The following STXBP5 variants were observed in gnomAD, a reference collection of about 807,000 sequenced individuals.
The protein encoded by STXBP5 is syntaxin-binding protein 5.
A neutral mutation model predicts 152.4 loss-of-function variants in STXBP5; 50 were observed. The observed-to-expected ratio is 0.33, with a 90% CI of 0.26 to 0.42. STXBP5 has a LOEUF of 0.42. Among genes scored for constraint, STXBP5 ranks in the 10% least tolerant of loss-of-function variants. The pLI is 1.00. For synonymous variants in STXBP5, 492 were observed against 494.7 expected, an observed-to-expected ratio of 0.99 and a Z score of 0.07; for missense variants, 1,167 against 1,388.6, an observed-to-expected ratio of 0.84 and a Z score of 2.54.
At chr6:147,359,049 C>T in intron 22 of STXBP5, 35 bp from the exon 23 acceptor site, 1 of 1,597,198 alleles carries the variant, frequency 6.3e-7, no homozygotes, top group Non-Finnish European at 8.5e-7. Flanking sequence ...TCTTTTATAA[C>T]TTGAGCAATC....
chr6:147,316,163 G>A lies in STXBP5; in HGVS notation c.1624-66G>A, dbSNP rs900808684. On this transcript the variant is annotated intron_variant, in intron 15 of 27. Coordinates refer to ENST00000321680, the MANE Select transcript of STXBP5 (RefSeq NM_001127715.4). Reference sequence around the variant, plus strand: ...TTATGTAAAGTGTGTGTGTATGTGTGTATAAATTGTGATAAAATGAGCAAT... The same window carrying A: ...TTATGTAAAGTGTGTGTGTATGTGTATATAAATTGTGATAAAATGAGCAAT... The A allele has an allele frequency of 6.8e-6, 10 of 1,468,890 alleles. No individual in the cohort carries two copies. The African/African-American group carries it at 1.4e-4, about 20-fold the overall frequency. 91.0% of individuals were successfully genotyped at this position (1,468,890 alleles called of 1,614,324 possible). A position where few individuals can be genotyped will look rare whatever the true frequency, so the allele number is the denominator to read the frequency against.
At chr6:147,317,708 C>G (rs1782711428) in intron 16 of STXBP5, among the ~76,000 whole-genome samples, 1 of 152,134 alleles carries the variant, frequency 6.6e-6, no homozygotes, top group Non-Finnish European at 1.5e-5. Flanking sequence ...CTCTCTCATA[C>G]CTGTACTAGA....
chr6:147,312,959 A>G (rs1373417283), intron 11 of STXBP5, among the ~76,000 whole-genome samples: 1 of 152,176 alleles, frequency 6.6e-6, no homozygotes, highest in Non-Finnish European at 1.5e-5. Flanking sequence ...TTTATTTAGC[A>G]AAAGTATCAG....
At position 147,316,344 on chromosome 6, in the gene STXBP5, A is replaced by G. The variant is rs1196757011; in HGVS notation, c.1739A>G (p.Gln580Arg). 2.8e-5 allele frequency: 45 copies of G among 1,609,546 alleles called. No homozygotes were observed. The highest frequency in any genetic ancestry group is 3.6e-5 in the Non-Finnish European group (43 of 1,178,468). Reference sequence around the variant, plus strand: ...TCCAACCCTCAGCCCATCCCTCCTCAGTCTCATCCATCTACCAGTAGCAGT... The same window carrying G: ...TCCAACCCTCAGCCCATCCCTCCTCGGTCTCATCCATCTACCAGTAGCAGT... ...GGSNPQPIPP[Q>R]SHPSTSSSSS... Residue 580 changes from glutamine (Q) to arginine (R), a missense_variant, in exon 16 of 28, where the codon CAG (glutamine) becomes CGG (arginine). By Grantham distance (43) the Gln-to-Arg change is conservative (BLOSUM62 1). Transcript: ENST00000321680.
At chr6:147,361,092 A>T (rs1044715562) in intron 23 of STXBP5, among the ~76,000 whole-genome samples, 6 of 152,118 alleles carry the variant, frequency 3.9e-5, no homozygotes, top group Non-Finnish European at 7.4e-5. Flanking sequence ...TCTTATTAGT[A>T]AATATGTGTA....
intron 2 of STXBP5, among the ~76,000 whole-genome samples, chr6:147,215,735 A>G (rs2115056883): frequency 6.6e-6 from 1 of 152,244 alleles, no homozygotes; most frequent in African/African-American, 2.4e-5. Flanking sequence ...ATATCAAGGT[A>G]AATTATTTTT....
At chr6:147,305,936 TGCAG>T (rs1782068472) in intron 9 of STXBP5, among the ~76,000 whole-genome samples, 1 of 152,214 alleles carries the variant, frequency 6.6e-6, no homozygotes, top group East Asian at 1.9e-4. Flanking sequence ...AAATCAGTAA[TGCAG>T]ACAATTAGTA....
chr6:147,297,955 A>G (rs1021382488), intron 9 of STXBP5, among the ~76,000 whole-genome samples: 12 of 152,100 alleles, frequency 7.9e-5, no homozygotes, highest in African/African-American at 2.9e-4. Flanking sequence ...GTAACAAAGG[A>G]TACAGAAAAG....
At chr6:147,323,763 GGCAGTCACAA>G (rs2128383446) in intron 16 of STXBP5, among the ~76,000 whole-genome samples, 1 of 152,274 alleles carries the variant, frequency 6.6e-6, no homozygotes, top group African/African-American at 2.4e-5. Context: ...ACTTTTCATA[GGCAGTCACAA>G]GTTCCTCACA....
intron 2 of STXBP5, among the ~76,000 whole-genome samples, chr6:147,206,395 A>C (rs145131902): frequency 1.1e-4 from 17 of 152,346 alleles, no homozygotes. Context: ...TGAATGAGGT[A>C]TGTTAAGGAT....
chr6:147,281,673 G>A (rs1013396983), intron 8 of STXBP5, among the ~76,000 whole-genome samples: 13 of 152,160 alleles, frequency 8.5e-5, no homozygotes, highest in Non-Finnish European at 1.9e-4. Flanking sequence ...AACATTTACA[G>A]TATTACCTTG....
At chr6:147,235,141 G>GCCT (rs1778206572) in intron 2 of STXBP5, 109 bp from the exon 3 acceptor site, 1 of 811,952 alleles carries the variant, frequency 1.2e-6, no homozygotes, top group Non-Finnish European at 2.0e-6. Context: ...TCAGTAAATG[G>GCCT]CCTGTATTGA....
intron 25 of STXBP5, among the ~76,000 whole-genome samples, chr6:147,367,710 A>G (rs1223884871): frequency 6.6e-6 from 1 of 152,080 alleles, no homozygotes; most frequent in Non-Finnish European, 1.5e-5. Context: ...AATAATAAAC[A>G]TCCAAGTGGA....
chr6:147,215,858 A>C (rs1777139612), intron 2 of STXBP5, among the ~76,000 whole-genome samples: 1 of 152,154 alleles, frequency 6.6e-6, no homozygotes, highest in African/African-American at 2.4e-5. Flanking sequence ...TGATTAGCTC[A>C]ATTATTGAAG....
chr6:147,278,737 A>G (rs1187311420), intron 8 of STXBP5, among the ~76,000 whole-genome samples: 1 of 152,206 alleles, frequency 6.6e-6, no homozygotes, highest in African/African-American at 2.4e-5. Context: ...ACAAAAAGGC[A>G]TAAAGCAGAA....
At chr6:147,370,570 A>G (rs1373654416) in intron 25 of STXBP5, among the ~76,000 whole-genome samples, 1 of 151,896 alleles carries the variant, frequency 6.6e-6, no homozygotes. Context: ...TTTATAATAA[A>G]CTGTTTTTTT....
intron 4 of STXBP5, among the ~76,000 whole-genome samples, chr6:147,243,750 T>G (rs1434200428): frequency 6.6e-6 from 1 of 152,138 alleles, no homozygotes; most frequent in Non-Finnish European, 1.5e-5. Flanking sequence ...TGATTTAAAT[T>G]TTTTGAAATA....
chr6:147,258,363 C>A (rs181789838), intron 4 of STXBP5, among the ~76,000 whole-genome samples: 3 of 152,160 alleles, frequency 2.0e-5, no homozygotes, highest in African/African-American at 7.2e-5. Context: ...TATTAAATAA[C>A]GATACCTTCT....
intron 2 of STXBP5, among the ~76,000 whole-genome samples, chr6:147,228,173 A>G (rs1777822174): frequency 6.6e-6 from 1 of 151,594 alleles, no homozygotes; most frequent in Non-Finnish European, 1.5e-5. Flanking sequence ...GTGTGTGTCT[A>G]TGTGTGGTTT....
Sources: gnomAD v4.1 joint callset for allele counts (sites outside exome capture counted in the v4.1 genomes callset) on GRCh38, gnomAD v4.1.1 for gene constraint, MANE v1.5 for transcripts, NCBI Gene and HGNC (gene_info 2026-07-23, HGNC 2026-07-21) for gene names.